FSTL5: variants seen among roughly 807,000 people sequenced by gnomAD.
FSTL5 encodes follistatin-related protein 5.
A neutral mutation model predicts 89.1 loss-of-function variants in FSTL5; 62 were observed. That is an observed-to-expected ratio of 0.70 (90% CI 0.57 to 0.86). FSTL5 has a LOEUF of 0.86. FSTL5 is among the 40% of genes least tolerant of loss of function. FSTL5 has a pLI of 0.00. For synonymous variants in FSTL5, 383 were observed against 346.2 expected (o/e 1.11, Z -1.18); for missense variants, 1,057 against 1,001.6 (o/e 1.06, Z -0.75).
At chr4:161,573,219 G>A (rs1733081751) in intron 8 of FSTL5, among the ~76,000 whole-genome samples, 2 of 151,924 alleles carry the variant, frequency 1.3e-5, no homozygotes, top group Non-Finnish European at 2.9e-5. Flanking sequence ...GGACCAGCCT[G>A]GTGAACATGG....
chr4:161,811,072 T>A (rs1178524824), intron 4 of FSTL5, among the ~76,000 whole-genome samples: 1 of 152,110 alleles, frequency 6.6e-6, no homozygotes, highest in Non-Finnish European at 1.5e-5. Flanking sequence ...AGTGACTATA[T>A]AAATAGTGAA....
intron 3 of FSTL5, among the ~76,000 whole-genome samples, chr4:161,963,474 C>A (rs1735238546): frequency 6.6e-6 from 1 of 151,856 alleles, no homozygotes; most frequent in African/African-American, 2.4e-5. Flanking sequence ...TCCTGTATCA[C>A]AGATAATGTG....
At chr4:161,850,081 C>T (rs773760740) in intron 4 of FSTL5, among the ~76,000 whole-genome samples, 3 of 152,044 alleles carry the variant, frequency 2.0e-5, no homozygotes, top group Non-Finnish European at 4.4e-5. Context: ...CCCTTTGAGG[C>T]CTGGGGAAAA....
chr4:162,024,622 GT>G (rs554197037), intron 3 of FSTL5, among the ~76,000 whole-genome samples: 137 of 151,450 alleles, frequency 9.0e-4, no homozygotes, highest in Non-Finnish European at 1.6e-3. Flanking sequence ...TGTTTCTTGT[GT>G]TTTTTTTAAG....
intron 6 of FSTL5, among the ~76,000 whole-genome samples, chr4:161,694,842 C>CTTCT: frequency 9.4e-6 from 1 of 106,202 alleles, no homozygotes; most frequent in African/African-American, 3.6e-5. Flanking sequence ...TTCTAAATGC[C>CTTCT]TTTTTTTTTT....
rs148901499 is a variant in FSTL5 at position 161,681,220 on chromosome 4, A to T, written c.728-24726T>A. 5.9e-3 allele frequency among the ~76,000 whole-genome samples: 904 copies of T among 152,218 alleles called. 11 individuals are homozygous for T. Among genetic ancestry groups the T allele is most frequent in the South Asian group, 0.047 (226 of 4,834 alleles). ...ATATGTTTAAATACTGTGACTGAAAACAGACATCTTAGATCACCATTGGTT... is the reference window on the plus strand; with the variant it reads ...ATATGTTTAAATACTGTGACTGAAATCAGACATCTTAGATCACCATTGGTT... On this transcript the variant is annotated intron_variant, in intron 6 of 15. Coordinates refer to ENST00000306100, the MANE Select transcript of FSTL5 (RefSeq NM_020116.5).
rs372238230 is a variant in FSTL5 at position 162,096,564 on chromosome 4, T to G, written c.126+14707A>C. Among the ~76,000 whole-genome samples, 49 of 151,938 alleles carry G rather than the reference T, an allele frequency of 3.2e-4. No individual in the cohort carries two copies. The East Asian group carries it at 8.5e-3, about 26-fold the overall frequency. On this transcript the variant is annotated intron_variant, in intron 2 of 15. Transcript: ENST00000306100. ...TCTTAAAGCTCAACATAAAACAGAA[T>G]GAAAACTAGAAATCTGGTGCAGTGA...
intron 4 of FSTL5, among the ~76,000 whole-genome samples, chr4:161,828,774 A>C (rs1730747161): frequency 6.6e-6 from 1 of 152,102 alleles, no homozygotes; most frequent in Admixed American, 6.6e-5. Flanking sequence ...TTTGTCTCTA[A>C]ATTTAACAGT....
chr4:161,936,270 A>G (rs1208806443), intron 3 of FSTL5, among the ~76,000 whole-genome samples: 3 of 152,220 alleles, frequency 2.0e-5, no homozygotes, highest in African/African-American at 7.2e-5. Flanking sequence ...TACATAATTT[A>G]CATAATCTAA....
intron 6 of FSTL5, among the ~76,000 whole-genome samples, chr4:161,695,923 G>C (rs1187506676): frequency 6.6e-6 from 1 of 152,024 alleles, no homozygotes; most frequent in African/African-American, 2.4e-5. Context: ...TGTTTACTCT[G>C]CTGACTGTTC....
intron 2 of FSTL5, among the ~76,000 whole-genome samples, chr4:162,066,063 A>G (rs1488269496): frequency 6.6e-6 from 1 of 152,052 alleles, no homozygotes; most frequent in Non-Finnish European, 1.5e-5. Flanking sequence ...TAATTACAAG[A>G]TTTAGAACAT....
At chr4:161,574,093 A>G (rs541534676) in intron 8 of FSTL5, among the ~76,000 whole-genome samples, 2 of 152,180 alleles carry the variant, frequency 1.3e-5, no homozygotes, top group East Asian at 3.9e-4. Context: ...TCCTTCTTTT[A>G]TCTTCTTGCC....
Position 161,786,944 on chromosome 4 carries a change from TAAAC to T in FSTL5, c.410-10874_410-10871del, listed in dbSNP as rs1290283230. 2.0e-5 allele frequency among the ~76,000 whole-genome samples: 3 copies of T among 152,240 alleles called. No homozygotes were observed. The South Asian group carries it at 6.2e-4, about 32-fold the overall frequency. On this transcript the variant is annotated intron_variant, in intron 4 of 15. Coordinates refer to ENST00000306100, the MANE Select transcript of FSTL5 (RefSeq NM_020116.5). ...TTTTTTTATTCGCACACTTGCAAGA[TAAAC>T]AAATAAATGTTTAATTGTGCACTTT...
At chr4:161,500,882 T>A (rs546988334) in intron 11 of FSTL5, among the ~76,000 whole-genome samples, 2 of 152,236 alleles carry the variant, frequency 1.3e-5, no homozygotes, top group African/African-American at 2.4e-5. Context: ...CTGTGTAGGT[T>A]AATCAAAGCC....
At chr4:161,833,534 C>A (rs1730921602) in intron 4 of FSTL5, among the ~76,000 whole-genome samples, 1 of 141,048 alleles carries the variant, frequency 7.1e-6, no homozygotes, top group African/African-American at 2.6e-5. Context: ...TTGTAGGTCA[C>A]TCAGGACTTG....
rs1431994101 is a variant in FSTL5 at position 161,656,415 on chromosome 4, G to C, written c.807C>G (p.Ser269Arg). The C allele has an allele frequency of 8.7e-6, 14 of 1,611,082 alleles. No homozygotes were observed. The highest frequency in any genetic ancestry group is 1.3e-5 in the African/African-American group (1 of 74,788). The change falls in exon 7 of 16, where the codon AGC becomes AGG. Residue 269 changes from serine (S) to arginine (R), a missense_variant. This residue lies in a region of FSTL5 where 980 missense variants were observed against 903.2 expected (regional missense o/e 1.08). Transcript: ENST00000306100. ...AATVGQSAVLSCAIQGTLRPP... is the reference protein window; with the variant it reads ...AATVGQSAVLRCAIQGTLRPP... ...GTCTCAGGGTTCCTTGAATGGCACAGCTCAGAACAGCACTTTGTCCCACAG... is the reference window on the plus strand; with the variant it reads ...GTCTCAGGGTTCCTTGAATGGCACACCTCAGAACAGCACTTTGTCCCACAG...
intron 3 of FSTL5, among the ~76,000 whole-genome samples, chr4:161,987,079 G>T (rs890055299): frequency 6.6e-6 from 1 of 152,042 alleles, no homozygotes; most frequent in African/African-American, 2.4e-5. Flanking sequence ...AGACAGTCAC[G>T]CATTCCCTGC....
intron 4 of FSTL5, among the ~76,000 whole-genome samples, chr4:161,837,327 G>A (rs181088930): frequency 1.9e-4 from 29 of 152,064 alleles, no homozygotes; most frequent in Non-Finnish European, 3.8e-4. Context: ...ACAAGTGTTA[G>A]GGAAATTTAG....
intron 15 of FSTL5, among the ~76,000 whole-genome samples, chr4:161,434,304 GA>G (rs1732481777): frequency 6.6e-6 from 1 of 151,980 alleles, no homozygotes; most frequent in East Asian, 1.9e-4. Context: ...ATACATTCAG[GA>G]AAAAACAGTT....
Sources: gnomAD v4.1 joint callset for allele counts (sites outside exome capture counted in the v4.1 genomes callset) on GRCh38, gnomAD v4.1.1 for gene constraint, gnomAD v4.1.1 regional missense constraint, MANE v1.5 for transcripts, NCBI Gene and HGNC (gene_info 2026-07-23, HGNC 2026-07-21) for gene names.